The following TMEM196 variants were observed in gnomAD, a reference collection of about 807,000 sequenced individuals.
The protein encoded by TMEM196 is transmembrane protein 196.
A neutral mutation model predicts 20.0 loss-of-function variants in TMEM196; 17 were observed. The ratio of observed to expected loss-of-function variants is 0.85; its 90% CI spans 0.58 to 1.27. TMEM196 has a LOEUF of 1.27. TMEM196 is among the 50% of genes most tolerant of loss of function. The pLI is 0.00. For missense variants in TMEM196, 267 were observed against 223.0 expected (o/e 1.20, Z -1.26); for synonymous variants, 113 against 88.9 (o/e 1.27, Z -1.52).
At chr7:19,725,249 T>G (rs570110946) in intron 3 of TMEM196, among the ~76,000 whole-genome samples, 167 of 152,324 alleles carry the variant, frequency 1.1e-3, no homozygotes, top group African/African-American at 3.8e-3. Context: ...TAAAAATCCA[T>G]ATTTATAGGG....
In TMEM196 at chr7:19,719,820, A is replaced by T. The variant is rs998844198; in HGVS notation, c.*2308T>A. The T allele has an allele frequency of 2.0e-5, 3 of 152,088 alleles. No homozygotes were observed. The highest frequency in any genetic ancestry group is 4.4e-5 in the Non-Finnish European group (3 of 67,946). 9.4% of individuals were successfully genotyped at this position (152,088 alleles called of 1,614,324 possible). A position where few individuals can be genotyped will look rare whatever the true frequency, so the allele number is the denominator to read the frequency against. ...TATATCTATACTTGGTTAAACATAC[A>T]CTGTAAACTATTTGAATAATTGTGA... On this transcript the variant is annotated 3_prime_UTR_variant, in exon 5 of 5. Coordinates refer to ENST00000405844, the MANE Select transcript of TMEM196 (RefSeq NM_001363562.2).
At position 19,733,925 on chromosome 7, in the gene TMEM196, C is replaced by T. The variant is rs147879117; in HGVS notation, c.148-4487G>A. The stretch of plus-strand genomic sequence containing the variant: ...AACAAAACACTTTCTCCTTCAGCCC[C>T]ACCTTCACTCACCATGAGTTAGCAG... On this transcript the variant is annotated intron_variant, in intron 1 of 4. Transcript: ENST00000405844. Among the ~76,000 whole-genome samples the T allele has an allele frequency of 1.4e-3, 207 of 152,270 alleles. 2 individuals carry two copies. The highest frequency in any genetic ancestry group is 4.9e-3 in the African/African-American group (203 of 41,542).
intron 1 of TMEM196, among the ~76,000 whole-genome samples, chr7:19,752,631 T>C (rs1225526275): frequency 2.0e-5 from 3 of 152,064 alleles, no homozygotes; most frequent in African/African-American, 7.2e-5. Flanking sequence ...CTTTCTTTTT[T>C]TGAGATGGAA....
chr7:19,746,744 A>C (rs1482036428), intron 1 of TMEM196, among the ~76,000 whole-genome samples: 1 of 152,252 alleles, frequency 6.6e-6, no homozygotes, highest in Non-Finnish European at 1.5e-5. Context: ...TGGCATCCAC[A>C]TACAAATTTT....
At chr7:19,734,963 A>C (rs1171051382) in intron 1 of TMEM196, among the ~76,000 whole-genome samples, 1 of 152,216 alleles carries the variant, frequency 6.6e-6, no homozygotes, top group African/African-American at 2.4e-5. Context: ...AATAAAAAAC[A>C]GTAAATATAT....
rs1329116358 is a variant in TMEM196, at chr7:19,719,343, G to C, written c.*2785C>G. On this transcript the variant is annotated 3_prime_UTR_variant, in exon 5 of 5. Transcript: ENST00000405844. ...TTTCAAAGCACATCATTTTATTATA[G>C]ACATGTCAGTAGAGTTATCATTTCC... 1 of 150,528 alleles carries C rather than the reference G, an allele frequency of 6.6e-6. No homozygotes were observed. The highest frequency in any genetic ancestry group is 1.5e-5 in the Non-Finnish European group (1 of 67,096). 9.3% of individuals were successfully genotyped at this position (150,528 alleles called of 1,614,324 possible). A position where few individuals can be genotyped will look rare whatever the true frequency, so the allele number is the denominator to read the frequency against.
At chr7:19,745,610 A>C (rs1206282099) in intron 1 of TMEM196, among the ~76,000 whole-genome samples, 2 of 151,538 alleles carry the variant, frequency 1.3e-5, no homozygotes, top group East Asian at 1.9e-4. Flanking sequence ...AGCTAAAATA[A>C]GTTAATATTT....
At chr7:19,755,864 A>G (rs1449421536) in intron 1 of TMEM196, among the ~76,000 whole-genome samples, 2 of 152,096 alleles carry the variant, frequency 1.3e-5, no homozygotes, top group East Asian at 3.9e-4. Flanking sequence ...CCCTGTCTCC[A>G]CTAAAAATAT....
chr7:19,739,957 T>G (rs1049494910), intron 1 of TMEM196, among the ~76,000 whole-genome samples: 2 of 151,438 alleles, frequency 1.3e-5, no homozygotes, highest in Non-Finnish European at 3.0e-5. Flanking sequence ...CAGGTGTGTT[T>G]TGTGTGTGTG....
chr7:19,731,770 G>A (rs1276947045), intron 1 of TMEM196, among the ~76,000 whole-genome samples: 1 of 152,138 alleles, frequency 6.6e-6, no homozygotes, highest in South Asian at 2.1e-4. Flanking sequence ...CACTTCAATT[G>A]GATGGAGCTA....
In TMEM196 at chr7:19,725,623, C is replaced by T. The variant is rs1210213965; in HGVS notation, c.350G>A (p.Gly117Asp). The T allele has an allele frequency of 6.2e-7, 1 of 1,614,054 alleles. No homozygotes were observed. The highest frequency in any genetic ancestry group is 8.5e-7 in the Non-Finnish European group (1 of 1,179,988). Reference sequence around the variant, plus strand: ...AGTGAGCCAGGAAGAGAGAGTGCAGCCCCCGATCCCAATGCACGCGAGAGA... The same window carrying T: ...AGTGAGCCAGGAAGAGAGAGTGCAGTCCCCGATCCCAATGCACGCGAGAGA... ...SMSLACIGIGGCTLSSWLTCR... is the reference protein window; with the variant it reads ...SMSLACIGIGDCTLSSWLTCR... The change falls in exon 3 of 5, where the codon GGC becomes GAC. Residue 117 changes from glycine to aspartate, a missense_variant. Physicochemically the swap from Gly to Asp is moderately conservative, Grantham distance 94. Transcript: ENST00000405844.
Position 19,736,395 on chromosome 7 carries a change from ATATAT to A in TMEM196, c.148-6962_148-6958del, listed in dbSNP as rs1784409409. ...TATATATATATATATATATATATAT[ATATAT>A]AAATTATCTCTGTAAAATGGAGAAA... On this transcript the variant is annotated intron_variant, in intron 1 of 4. Coordinates refer to ENST00000405844, the MANE Select transcript of TMEM196 (RefSeq NM_001363562.2). 5.3e-5 allele frequency among the ~76,000 whole-genome samples: 5 copies of A among 95,138 alleles called. No individual in the cohort carries two copies. The South Asian group carries it at 1.7e-3, about 33-fold the overall frequency. The allele number at this position is 95,138 out of a possible 152,430, so 62.4% of individuals were successfully genotyped here.
At chr7:19,741,923 A>T (rs1562615738) in intron 1 of TMEM196, among the ~76,000 whole-genome samples, 1 of 152,302 alleles carries the variant, frequency 6.6e-6, no homozygotes, top group South Asian at 2.1e-4. Context: ...TGAAAGTTGG[A>T]CAACGTCTTA....
At chr7:19,745,990 A>G (rs1249694907) in intron 1 of TMEM196, among the ~76,000 whole-genome samples, 1 of 152,118 alleles carries the variant, frequency 6.6e-6, no homozygotes, top group Non-Finnish European at 1.5e-5. Context: ...GATTGCTGAA[A>G]GGTGAGATAC....
intron 1 of TMEM196, among the ~76,000 whole-genome samples, chr7:19,763,437 T>C (rs1028471728): frequency 6.6e-6 from 1 of 152,172 alleles, no homozygotes; most frequent in African/African-American, 2.4e-5. Context: ...CAAACATATG[T>C]CTCTGTTTGG....
intron 1 of TMEM196, among the ~76,000 whole-genome samples, chr7:19,738,904 C>G (rs1028554928): frequency 1.3e-5 from 2 of 151,968 alleles, no homozygotes; most frequent in Non-Finnish European, 2.9e-5. Context: ...GTGAGCCACA[C>G]GTAATGATTT....
chr7:19,741,205 A>G (rs1365316351), intron 1 of TMEM196, among the ~76,000 whole-genome samples: 1 of 152,166 alleles, frequency 6.6e-6, no homozygotes, highest in African/African-American at 2.4e-5. Context: ...CATATAAACA[A>G]TGGAATTCAA....
intron 1 of TMEM196, among the ~76,000 whole-genome samples, chr7:19,737,740 G>T (rs908795914): frequency 2.0e-5 from 3 of 151,844 alleles, no homozygotes; most frequent in Non-Finnish European, 2.9e-5. Context: ...AAGAGTAAAT[G>T]CTAGGGTTTC....
At chr7:19,734,817 C>G (rs1184369399) in intron 1 of TMEM196, among the ~76,000 whole-genome samples, 1 of 152,062 alleles carries the variant, frequency 6.6e-6, no homozygotes, top group Non-Finnish European at 1.5e-5. Context: ...AAAGTTGTTA[C>G]AGAAGCAACA....
Sources: allele counts gnomAD v4.1 joint callset (sites outside exome capture counted in the v4.1 genomes callset), GRCh38; gene constraint gnomAD v4.1.1; transcripts MANE v1.5; gene names NCBI Gene and HGNC (gene_info 2026-07-23, HGNC 2026-07-21).